Variants in IL17F observed in about 807,000 individuals in gnomAD.
The protein encoded by IL17F is interleukin-17F.
A neutral mutation model predicts 8.3 loss-of-function variants in IL17F; 6 were observed. The observed-to-expected ratio is 0.73, with a 90% confidence interval of 0.40 to 1.43. The LOEUF is 1.43. Ranked by LOEUF, IL17F falls within the 40% of genes most tolerant of loss-of-function variation. IL17F has a pLI of 0.02. For missense variants in IL17F, 204 were observed against 209.6 expected (o/e 0.97, Z 0.17); for synonymous variants, 98 against 81.6 (o/e 1.20, Z -1.08).
rs972404643 is a variant in IL17F at position 52,237,173 on chromosome 6, A to T, written c.255-5T>A. On this transcript the variant is annotated splice_region_variant and splice_polypyrimidine_tract_variant and intron_variant, in intron 2 of 2. Coordinates refer to ENST00000336123, the MANE Select transcript of IL17F (RefSeq NM_052872.4). Reference sequence around the variant, plus strand: ...CGGTTGGGGTCCCAAGTGACACTGCAGGAGGAGCAAGCCAAAGCACAATGG... The same window carrying T: ...CGGTTGGGGTCCCAAGTGACACTGCTGGAGGAGCAAGCCAAAGCACAATGG... 6.2e-7 allele frequency: 1 copy of T among 1,609,570 alleles called. No individual in the cohort carries two copies. Among genetic ancestry groups the T allele is most frequent in the East Asian group, 2.2e-5 (1 of 44,826 alleles).
upstream of IL17F, chr6:52,244,612 T>G (rs893886247): frequency 6.3e-5 from 29 of 461,642 alleles, no homozygotes; most frequent in Middle Eastern, 5.3e-4. Flanking sequence ...ATGCAGGGGT[T>G]TTTTTTTTTA....
rs376671742 is a variant in IL17F at position 52,238,749 on chromosome 6, T to G, written c.235A>C (p.Thr79Pro). Residue 79 changes from threonine (T) to proline (P), a missense_variant, in exon 2 of 3, where the codon ACC (threonine) becomes CCC (proline). Thr to Pro is a conservative substitution (Grantham distance 38). Transcript: ENST00000336123. ...SMSRNIESRS[T>P]SPWNYTVTWD... is the part of the protein sequence containing the mutation. ...ACTTACGTGTAATTCCAGGGGGAGG[T>G]GGAGCGGCTCTCGATGTTACGTGAC... 3.1e-6 allele frequency: 5 copies of G among 1,613,962 alleles called. No individual in the cohort carries two copies. The highest frequency in any genetic ancestry group is 4.2e-6 in the Non-Finnish European group (5 of 1,179,968).
At chr6:52,238,678 G>C in intron 2 of IL17F, 52 bp downstream of exon 2, 2 of 1,400,282 alleles carry the variant, frequency 1.4e-6, no homozygotes, top group Non-Finnish European at 2.0e-6. Flanking sequence ...TGATTAGAAT[G>C]AATTAACATA....
intron 1 of IL17F, among the ~76,000 whole-genome samples, chr6:52,240,234 C>T (rs1014736151): frequency 6.6e-6 from 1 of 152,064 alleles, no homozygotes; most frequent in African/African-American, 2.4e-5. Flanking sequence ...GTCAGGAGTT[C>T]AGGACCAGCC....
At chr6:52,245,665 T>C (rs1764147794), upstream of IL17F, among the ~76,000 whole-genome samples, 1 of 152,210 alleles carries the variant, frequency 6.6e-6, no homozygotes, top group African/African-American at 2.4e-5. Context: ...AAAGGCTCTT[T>C]GTATCCCATC....
chr6:52,240,989 C>T (rs1334801286), intron 1 of IL17F, among the ~76,000 whole-genome samples: 1 of 152,118 alleles, frequency 6.6e-6, no homozygotes, highest in Non-Finnish European at 1.5e-5. Context: ...CTTGCTAACT[C>T]TATATTGTGC....
intron 1 of IL17F, among the ~76,000 whole-genome samples, chr6:52,243,953 G>A (rs1473133673): frequency 1.3e-5 from 2 of 152,108 alleles, no homozygotes; most frequent in Non-Finnish European, 2.9e-5. Flanking sequence ...GTAGAGACAG[G>A]GTTTCAAGTT....
At chr6:52,240,704 G>A (rs1764058349) in intron 1 of IL17F, among the ~76,000 whole-genome samples, 1 of 152,094 alleles carries the variant, frequency 6.6e-6, no homozygotes, top group Non-Finnish European at 1.5e-5. Context: ...GAGTCAGAAT[G>A]AGGCTGATTT....
chr6:52,244,048 C>G (rs1359200859), intron 1 of IL17F, among the ~76,000 whole-genome samples: 1 of 152,108 alleles, frequency 6.6e-6, no homozygotes, highest in Non-Finnish European at 1.5e-5. Flanking sequence ...CGTGAGCCAC[C>G]AGGCTCGACC....
chr6:52,244,823 T>C (rs597506), upstream of IL17F, among the ~76,000 whole-genome samples: 4,762 of 152,332 alleles, frequency 0.031, 241 homozygotes, highest in African/African-American at 0.11. Context: ...GCCAACACCC[T>C]TGTCACGGAC....
At chr6:52,244,876 A>G (rs2128268944), upstream of IL17F, among the ~76,000 whole-genome samples, 1 of 152,360 alleles carries the variant, frequency 6.6e-6, no homozygotes, top group East Asian at 1.9e-4. Flanking sequence ...ATCGTGATTT[A>G]AATGGGAGAA....
intron 1 of IL17F, among the ~76,000 whole-genome samples, chr6:52,239,488 G>A (rs1764031835): frequency 6.6e-6 from 1 of 152,136 alleles, no homozygotes; most frequent in African/African-American, 2.4e-5. Context: ...AGAATACTCT[G>A]TCTGTCAAAA....
upstream of IL17F, among the ~76,000 whole-genome samples, chr6:52,245,127 C>T (rs549916152): frequency 7.2e-5 from 11 of 152,354 alleles, no homozygotes; most frequent in South Asian, 2.3e-3. Flanking sequence ...TGCTCTCACA[C>T]CACAACCAGC....
chr6:52,245,068 TAATA>T (rs1478709776), upstream of IL17F, among the ~76,000 whole-genome samples: 1 of 152,244 alleles, frequency 6.6e-6, no homozygotes, highest in African/African-American at 2.4e-5. Context: ...TACTGGTGCT[TAATA>T]AATAATCACT....
chr6:52,244,868 C>T (rs529557224), upstream of IL17F, among the ~76,000 whole-genome samples: 1 of 152,162 alleles, frequency 6.6e-6, no homozygotes, highest in South Asian at 2.1e-4. Context: ...CAATATGAAT[C>T]GTGATTTAAA....
At chr6:52,239,124 C>A (rs1157082780) in intron 1 of IL17F, 174 bp from the exon 2 acceptor site, 1 of 648,390 alleles carries the variant, frequency 1.5e-6, no homozygotes, top group Non-Finnish European at 2.7e-6. Context: ...ATCAAGGTGC[C>A]AAACTGAGAA....
rs1764127418 is a variant in IL17F at position 52,244,459 on chromosome 6, A to AG, written c.-31dup. The stretch of plus-strand genomic sequence containing the variant: ...CGCTGGTGGCTTACTTTGTGCAGGA[A>AG]GCTCTTTCTGTGAATGTATCTTCCT... On this transcript the variant is annotated 5_prime_UTR_variant, in exon 1 of 3. Transcript: ENST00000336123. 6.2e-7 allele frequency: 1 copy of AG among 1,612,602 alleles called. No homozygotes were observed. The highest frequency in any genetic ancestry group is 1.1e-5 in the South Asian group (1 of 91,054).
intron 1 of IL17F, among the ~76,000 whole-genome samples, chr6:52,239,950 C>T (rs183169840): frequency 4.6e-5 from 7 of 152,208 alleles, no homozygotes; most frequent in East Asian, 3.9e-4. Flanking sequence ...TTTATACTTA[C>T]GTTGAAATGC....
At position 52,236,719 on chromosome 6, in the gene IL17F, T is replaced by C; in HGVS notation, c.*212A>G. 1 of 573,566 alleles carries C rather than the reference T, an allele frequency of 1.7e-6. No individual in the cohort carries two copies. Among genetic ancestry groups the C allele is most frequent in the South Asian group, 2.0e-5 (1 of 49,530 alleles). The allele number at this position is 573,566 out of a possible 1,614,324, so 35.5% of individuals were successfully genotyped here. On this transcript the variant is annotated 3_prime_UTR_variant, in exon 3 of 3. Transcript: ENST00000336123. ...AATACTTTATTATATTAGCACTGAA[T>C]ATATTAATTTTTCTCCTAACATTTT...
Sources: gnomAD v4.1 joint callset for allele counts (sites outside exome capture counted in the v4.1 genomes callset) on GRCh38, gnomAD v4.1.1 for gene constraint, MANE v1.5 for transcripts, NCBI Gene and HGNC (gene_info 2026-07-23, HGNC 2026-07-21) for gene names.